Variants in SAMD5 observed in about 807,000 individuals in gnomAD.
SAMD5 encodes sterile alpha motif domain-containing protein 5.
A neutral mutation model predicts 11.3 loss-of-function variants in SAMD5; 13 were observed. The observed-to-expected ratio is 1.15, with a 90% CI of 0.75 to 1.83. The LOEUF (loss-of-function observed/expected upper bound fraction) is 1.83, where lower values mean the gene tolerates loss of function less well. Ranked by LOEUF, SAMD5 falls within the 40% of genes most tolerant of loss-of-function variation. SAMD5 has a pLI of 0.00. For missense variants in SAMD5, 255 were observed against 239.1 expected (o/e 1.07, Z -0.44); for synonymous variants, 129 against 111.3 (o/e 1.16, Z -1.00).
chr6:147,640,240 C>T lies in SAMD5; in HGVS notation c.163-97077C>T, dbSNP rs928391916. On this transcript the variant is annotated intron_variant, in intron 1 of 1. Coordinates refer to the SAMD5 transcript ENST00000566741. ...ACTCCAGAGGCTGAGGCAGGAGAAT[C>T]GCTTGAACCCGGGAGGTGAAGGTTG... is the stretch of plus-strand genomic sequence containing the variant. 2.6e-5 allele frequency among the ~76,000 whole-genome samples: 4 copies of T among 151,552 alleles called. No individual in the cohort carries two copies. The South Asian group carries it at 8.4e-4, about 32-fold the overall frequency.
the SAMD5 span, among the ~76,000 whole-genome samples, chr6:147,762,937 T>C: frequency 6.6e-6 from 1 of 152,100 alleles, no homozygotes; most frequent in African/African-American, 2.4e-5. Flanking sequence ...ATTGGTAGGA[T>C]TTAATAACTT....
intron 1 of SAMD5, among the ~76,000 whole-genome samples, chr6:147,534,068 C>CA (rs1788470406): frequency 1.3e-5 from 2 of 152,154 alleles, no homozygotes; most frequent in African/African-American, 4.8e-5. Flanking sequence ...GCCAGGAGGG[C>CA]AGGTCATCTC....
chr6:147,795,894 C>T, the SAMD5 span, among the ~76,000 whole-genome samples: 6 of 152,112 alleles, frequency 3.9e-5, no homozygotes, highest in Admixed American at 1.3e-4. Context: ...ATATCCTTCG[C>T]CCACTCTTTG....
chr6:147,735,991 A>G (rs767225657), intron 1 of SAMD5, among the ~76,000 whole-genome samples: 35 of 152,148 alleles, frequency 2.3e-4, no homozygotes, highest in Non-Finnish European at 4.4e-5. Context: ...CTAATATTAT[A>G]TGTCTAGGTG....
At chr6:147,717,800 G>T (rs1327311268) in intron 1 of SAMD5, among the ~76,000 whole-genome samples, 1 of 152,014 alleles carries the variant, frequency 6.6e-6, no homozygotes, top group Non-Finnish European at 1.5e-5. Context: ...GCAGTGAGCC[G>T]AGATTGCACC....
intron 1 of SAMD5, among the ~76,000 whole-genome samples, chr6:147,527,668 G>A (rs966624224): frequency 6.6e-6 from 1 of 152,048 alleles, no homozygotes; most frequent in Non-Finnish European, 1.5e-5. Context: ...ACTCATTCCA[G>A]CATTAACTGA....
chr6:147,518,136 C>T (rs569433717), intron 1 of SAMD5, among the ~76,000 whole-genome samples: 2 of 152,238 alleles, frequency 1.3e-5, no homozygotes, highest in African/African-American at 2.4e-5. Context: ...TTAGGTAAAT[C>T]GTGCCCGGAT....
At chr6:147,852,077 A>G in the SAMD5 span, among the ~76,000 whole-genome samples, 2 of 152,162 alleles carry the variant, frequency 1.3e-5, no homozygotes, top group Non-Finnish European at 2.9e-5. Context: ...AAATAAATCT[A>G]TACGTACTGT....
chr6:147,871,044 C>A, the SAMD5 span, among the ~76,000 whole-genome samples: 11 of 152,158 alleles, frequency 7.2e-5, no homozygotes, highest in Non-Finnish European at 1.5e-4. Flanking sequence ...GTAAAGGAAG[C>A]CTTTGATTCT....
chr6:147,724,509 CTA>C (rs1791598763), intron 1 of SAMD5, among the ~76,000 whole-genome samples: 1 of 152,124 alleles, frequency 6.6e-6, no homozygotes, highest in South Asian at 2.1e-4. Flanking sequence ...GATAAAATAA[CTA>C]TGACAGCTTA....
At chr6:147,815,791 A>G in the SAMD5 span, among the ~76,000 whole-genome samples, 1 of 152,142 alleles carries the variant, frequency 6.6e-6, no homozygotes, top group Non-Finnish European at 1.5e-5. Context: ...CCCAGGAGTC[A>G]GATGGGTCAG....
chr6:147,673,439 G>A lies in SAMD5; in HGVS notation c.163-63878G>A, dbSNP rs147003733. Among the ~76,000 whole-genome samples the A allele has an allele frequency of 2.8e-3, 422 of 152,058 alleles. 1 individual carries two copies. The highest frequency in any genetic ancestry group is 4.6e-3 in the Non-Finnish European group (310 of 67,958). On this transcript the variant is annotated intron_variant, in intron 1 of 1. Coordinates refer to the SAMD5 transcript ENST00000566741. ...TGTGTTAGCCAGGATGGTCTTGATCGCCTGACCTCTTGATCCGTCTGCCTC... is the reference window on the plus strand; with the variant it reads ...TGTGTTAGCCAGGATGGTCTTGATCACCTGACCTCTTGATCCGTCTGCCTC...
chr6:147,697,921 G>T (rs1395707640), intron 1 of SAMD5, among the ~76,000 whole-genome samples: 1 of 152,132 alleles, frequency 6.6e-6, no homozygotes, highest in Non-Finnish European at 1.5e-5. Context: ...CAACCTTTTT[G>T]GTACCAGGGA....
chr6:147,758,771 G>C, the SAMD5 span, among the ~76,000 whole-genome samples: 2 of 152,038 alleles, frequency 1.3e-5, no homozygotes, highest in African/African-American at 4.8e-5. Context: ...CACTTCCTGG[G>C]CTCCAGCACA....
At chr6:147,685,978 A>G (rs373777352) in intron 1 of SAMD5, among the ~76,000 whole-genome samples, 2 of 152,232 alleles carry the variant, frequency 1.3e-5, no homozygotes, top group Admixed American at 6.5e-5. Context: ...ATACAATTAT[A>G]GTTAATACAC....
the SAMD5 span, among the ~76,000 whole-genome samples, chr6:147,887,621 T>C: frequency 2.9e-3 from 438 of 152,334 alleles, 1 homozygote; most frequent in African/African-American, 9.9e-3. Flanking sequence ...CTACAACAAA[T>C]AGAACTCTGT....
the SAMD5 span, among the ~76,000 whole-genome samples, chr6:147,744,920 A>AATAAATAAATAAATAAATAAATAGATAG: frequency 2.0e-5 from 3 of 151,054 alleles, no homozygotes; most frequent in African/African-American, 7.4e-5. Context: ...TAAATAAATA[A>AATAAATAAATAAATAAATAAATAGATAG]ATAAGTAAGT....
chr6:147,634,217 T>C (rs1295541679), intron 1 of SAMD5, among the ~76,000 whole-genome samples: 1 of 152,166 alleles, frequency 6.6e-6, no homozygotes, highest in Non-Finnish European at 1.5e-5. Context: ...TGACTCACAG[T>C]TCTGCAGGCT....
At chr6:147,517,046 G>A (rs9485194) in intron 1 of SAMD5, among the ~76,000 whole-genome samples, 10,734 of 152,246 alleles carry the variant, frequency 0.071, 1,079 homozygotes, top group African/African-American at 0.21. Flanking sequence ...AGTTTTCACT[G>A]AGGTAGAAAG....
Sources: allele counts gnomAD v4.1 joint callset (sites outside exome capture counted in the v4.1 genomes callset), GRCh38; gene constraint gnomAD v4.1.1; transcripts MANE v1.5; gene names NCBI Gene and HGNC (gene_info 2026-07-23, HGNC 2026-07-21).